Variants in MAP2K2 observed in about 807,000 individuals in gnomAD.
The protein encoded by MAP2K2 is dual specificity mitogen-activated protein kinase kinase 2.
In MAP2K2, 24 loss-of-function variants were observed where a neutral mutation model predicts 43.7. The observed-to-expected ratio is 0.55, with a 90% confidence interval of 0.40 to 0.77. The LOEUF (loss-of-function observed/expected upper bound fraction) is 0.77. MAP2K2 is among the 30% of genes least tolerant of loss of function. The probability of loss-of-function intolerance (pLI) is 0.00; values close to 1 mark genes in which losing one functional copy is unlikely to be tolerated. For synonymous variants in MAP2K2, 244 were observed against 239.7 expected (o/e 1.02, Z -0.17); for missense variants, 470 against 566.8 (o/e 0.83, Z 1.73).
chr19:4,123,125 T>A (rs953835388), intron 1 of MAP2K2, among the ~76,000 whole-genome samples: 8 of 150,642 alleles, frequency 5.3e-5, no homozygotes, highest in African/African-American at 2.0e-4. Context: ...TCTTAGGAAC[T>A]CTTCACCCTC....
chr19:4,090,482 G>T lies in MAP2K2; in HGVS notation c.*116C>A, dbSNP rs541904990. The T allele has an allele frequency of 1.8e-5, 16 of 893,570 alleles. 1 individual carries two copies. The South Asian group carries it at 2.1e-4, about 12-fold the overall frequency. 55.4% of individuals were successfully genotyped at this position (893,570 alleles called of 1,614,324 possible). A position where few individuals can be genotyped will look rare whatever the true frequency, so the allele number is the denominator to read the frequency against. On this transcript the variant is annotated 3_prime_UTR_variant, in exon 11 of 11. Transcript: ENST00000262948. ...CTGTCGCCCCGCCACGGTGCTCTCC[G>T]CAGGGGTGAGGCAGGAGGGTGGGTG...
chr19:4,121,078 G>A (rs1192903901), intron 1 of MAP2K2, among the ~76,000 whole-genome samples: 5 of 151,196 alleles, frequency 3.3e-5, no homozygotes, highest in East Asian at 2.0e-4. Context: ...GCCCTGCCTC[G>A]GCCTGCAGAA....
intron 2 of MAP2K2, among the ~76,000 whole-genome samples, chr19:4,112,621 A>G (rs1398907181): frequency 6.6e-6 from 1 of 152,008 alleles, no homozygotes; most frequent in Non-Finnish European, 1.5e-5. Context: ...CCTCAGGCTA[A>G]GCGTCTCCCA....
At chr19:4,117,314 G>T in intron 2 of MAP2K2, 105 bp downstream of exon 2, 1 of 1,074,548 alleles carries the variant, frequency 9.3e-7, no homozygotes, top group East Asian at 2.6e-5. Context: ...ACAGAGCCTG[G>T]AGCTAATCAG....
At chr19:4,121,288 G>C (rs999049683) in intron 1 of MAP2K2, among the ~76,000 whole-genome samples, 1 of 151,826 alleles carries the variant, frequency 6.6e-6, no homozygotes, top group Non-Finnish European at 1.5e-5. Context: ...CCCCTCACAA[G>C]GGTTTTCCGG....
chr19:4,100,779 A>G (rs2040995196), intron 6 of MAP2K2: 1 of 581,032 alleles, frequency 1.7e-6, no homozygotes, highest in African/African-American at 1.9e-5. Context: ...GGGAGGGTGC[A>G]GCTGGGGTGG....
intron 1 of MAP2K2, among the ~76,000 whole-genome samples, 171 bp downstream of exon 1, chr19:4,123,613 C>A (rs1599312851): frequency 9.2e-6 from 1 of 108,448 alleles, no homozygotes; most frequent in Non-Finnish European, 1.7e-5. Context: ...GGGTCCCCTG[C>A]CCTGTCCTCC....
Position 4,117,546 on chromosome 19 carries a change from G to A in MAP2K2, c.176C>T (p.Thr59Ile), listed in dbSNP as rs2145080471. ...QQKKRLEAFL[T>I]QKAKVGELKD... ...GAGTTCGCCGACCTTGGCTTTCTGG[G>A]TGAGAAAGGCTTCCAGCCGCTTCTT... Residue 59 changes from threonine to isoleucine, a missense_variant, in exon 2 of 11, where the codon ACC becomes ATC. Physicochemically the swap from Thr to Ile is moderately conservative, Grantham distance 89. Transcript: ENST00000262948. The A allele has an allele frequency of 6.2e-7, 1 of 1,614,130 alleles. No individual in the cohort carries two copies. The highest frequency in any genetic ancestry group is 8.5e-7 in the Non-Finnish European group (1 of 1,180,036).
At chr19:4,117,080 CG>C (rs1194740841) in intron 2 of MAP2K2, among the ~76,000 whole-genome samples, 1 of 152,244 alleles carries the variant, frequency 6.6e-6, no homozygotes, top group Non-Finnish European at 1.5e-5. Context: ...AACACACACA[CG>C]CTTCGTCTTC....
Position 4,097,220 on chromosome 19 carries a change from A to AG in MAP2K2, c.984+58_984+59insC, listed in dbSNP as rs1023512271. ...AGACTCTGCCTAAAAAAAAAAAAAA[A>AG]AAAAAAAAGAAAGAAGAAAGAAAAG... On this transcript the variant is annotated intron_variant, in intron 8 of 10. Coordinates refer to ENST00000262948, the MANE Select transcript of MAP2K2 (RefSeq NM_030662.4). 2.2e-5 allele frequency: 27 copies of AG among 1,214,328 alleles called. No individual in the cohort carries two copies. The Middle Eastern group carries it at 9.8e-4, about 44-fold the overall frequency. The allele number at this position is 1,214,328 out of a possible 1,614,324, so 75.2% of individuals were successfully genotyped here.
chr19:4,119,624 G>T (rs994308081), intron 1 of MAP2K2, among the ~76,000 whole-genome samples: 1 of 152,186 alleles, frequency 6.6e-6, no homozygotes, highest in Non-Finnish European at 1.5e-5. Flanking sequence ...CACTGTTTCC[G>T]TCTTAAGCCT....
chr19:4,094,508 C>T lies in MAP2K2; in HGVS notation c.1047-10G>A, dbSNP rs2040886814. The stretch of plus-strand genomic sequence containing the variant: ...TGGGTTCTTGATGAGGCTGGGGGTT[C>T]CAAGAGGCAGGACCGGGAGGCGGTG... On this transcript the variant is annotated splice_polypyrimidine_tract_variant and intron_variant, in intron 9 of 10. Transcript: ENST00000262948. The T allele has an allele frequency of 1.9e-6, 3 of 1,567,334 alleles. No individual in the cohort carries two copies. Among genetic ancestry groups the T allele is most frequent in the Non-Finnish European group, 2.6e-6 (3 of 1,155,374 alleles).
intron 3 of MAP2K2, among the ~76,000 whole-genome samples, chr19:4,107,393 G>A (rs990475082): frequency 4.6e-5 from 7 of 151,244 alleles, no homozygotes; most frequent in South Asian, 2.1e-4. Flanking sequence ...CTGTGGTGGC[G>A]GGCGCCTGTA....
At chr19:4,098,310 C>T (rs144322875) in intron 7 of MAP2K2, among the ~76,000 whole-genome samples, 10 of 152,252 alleles carry the variant, frequency 6.6e-5, no homozygotes, top group Non-Finnish European at 1.3e-4. Flanking sequence ...GACAGGGTTT[C>T]CTCTTGGGGA....
chr19:4,107,973 C>T (rs350903), intron 3 of MAP2K2, among the ~76,000 whole-genome samples: 56,616 of 151,970 alleles, frequency 0.37, 12,383 homozygotes, highest in East Asian at 0.61. Flanking sequence ...AGACCTGACC[C>T]GGACGCCCAT....
At position 4,094,695 on chromosome 19, in the gene MAP2K2, G is replaced by A. The variant is rs542077767; in HGVS notation, c.1047-197C>T. 1.1e-4 allele frequency: 69 copies of A among 605,700 alleles called. No individual in the cohort carries two copies. In the East Asian group the frequency reaches 1.4e-3, roughly 12 times the overall value. The allele number at this position is 605,700 out of a possible 1,614,324, so 37.5% of individuals were successfully genotyped here. A position where few individuals can be genotyped will look rare whatever the true frequency, so the allele number is the denominator to read the frequency against. On this transcript the variant is annotated intron_variant, in intron 9 of 10. Coordinates refer to ENST00000262948, the MANE Select transcript of MAP2K2 (RefSeq NM_030662.4). ...GAGGGATCCACCTCTGCACTTTGGT[G>A]CCAGGGGCAGGACACCCCCCAGCGG...
At chr19:4,097,385 AC>A in intron 7 of MAP2K2, 42 bp from the exon 8 acceptor site, 1 of 1,496,602 alleles carries the variant, frequency 6.7e-7, no homozygotes, top group Non-Finnish European at 9.3e-7. Context: ...GCCGATGGCC[AC>A]CTCACTTCTG....
chr19:4,102,946 G>T, intron 3 of MAP2K2: 2 of 1,106,598 alleles, frequency 1.8e-6, no homozygotes, highest in Middle Eastern at 4.3e-4. Context: ...GTGCTGCCCC[G>T]CGTGGGAGGA....
intron 7 of MAP2K2, among the ~76,000 whole-genome samples, chr19:4,097,615 G>A (rs1002117413): frequency 2.0e-5 from 3 of 152,204 alleles, no homozygotes; most frequent in African/African-American, 4.8e-5. Context: ...CATTTGGCTC[G>A]GTGAGGCTTG....
Sources: allele counts gnomAD v4.1 joint callset (sites outside exome capture counted in the v4.1 genomes callset), GRCh38; gene constraint gnomAD v4.1.1; transcripts MANE v1.5; gene names NCBI Gene and HGNC (gene_info 2026-07-23, HGNC 2026-07-21).